Variants in PM20D2 observed in about 807,000 individuals in gnomAD.
PM20D2 encodes peptidase M20 domain containing 2, also known as xaa-Arg dipeptidase.
Under a neutral mutation model 42.9 loss-of-function variants are expected in PM20D2, and 33 were observed. The observed-to-expected ratio is 0.77, with a 90% CI of 0.58 to 1.03. PM20D2 has a LOEUF of 1.03. Ranked by LOEUF, PM20D2 falls within the 50% of genes least tolerant of loss-of-function variation. The probability of loss-of-function intolerance (pLI) is 0.00; values close to 1 mark genes in which losing one functional copy is unlikely to be tolerated. For synonymous variants in PM20D2, 250 were observed against 228.2 expected, an observed-to-expected ratio of 1.10 and a Z score of -0.86; for missense variants, 548 against 557.0, an observed-to-expected ratio of 0.98 and a Z score of 0.16.
chr6:89,094,082 G>A, the PM20D2 span, among the ~76,000 whole-genome samples: 1 of 151,572 alleles, frequency 6.6e-6, no homozygotes, highest in Non-Finnish European at 1.5e-5. Flanking sequence ...CACCATGCCT[G>A]GCTAATTTTT....
the PM20D2 span, among the ~76,000 whole-genome samples, chr6:89,140,615 A>G: frequency 6.6e-6 from 1 of 152,278 alleles, no homozygotes; most frequent in African/African-American, 2.4e-5. Context: ...GTAGGAGAGA[A>G]ATGTTCTTGT....
At chr6:89,101,703 A>C in the PM20D2 span, among the ~76,000 whole-genome samples, 1 of 152,096 alleles carries the variant, frequency 6.6e-6, no homozygotes, top group Middle Eastern at 3.2e-3. Context: ...GTCTCAAAAA[A>C]AAATAAAAAT....
At chr6:89,123,850 A>C in the PM20D2 span, among the ~76,000 whole-genome samples, 2 of 151,690 alleles carry the variant, frequency 1.3e-5, no homozygotes, top group African/African-American at 4.8e-5. Flanking sequence ...AGTCTGGGCA[A>C]CATATGATAA....
At chr6:89,107,038 GAAAT>G in the PM20D2 span, 1 of 1,089,978 alleles carries the variant, frequency 9.2e-7, no homozygotes, top group Non-Finnish European at 1.4e-6. Context: ...CTGAGATAAA[GAAAT>G]AAACACATTT....
chr6:89,147,842 G>A lies in PM20D2; in HGVS notation c.465+1233G>A, dbSNP rs1304479926. Among the ~76,000 whole-genome samples the A allele has an allele frequency of 2.0e-5, 3 of 150,484 alleles. 1 individual carries two copies. The highest frequency in any genetic ancestry group is 4.9e-5 in the African/African-American group (2 of 40,938). ...CAGGAGGCAGAGGTTGCAGTGAGCC[G>A]ACATCGCGCCACTGCACTCCATCCT... On this transcript the variant is annotated intron_variant, in intron 1 of 6. Coordinates refer to ENST00000275072, the MANE Select transcript of PM20D2 (RefSeq NM_001010853.3).
At chr6:89,148,449 A>T in intron 1 of PM20D2, 1 of 678,966 alleles carries the variant, frequency 1.5e-6, no homozygotes, top group South Asian at 6.6e-5. Flanking sequence ...TTTGATTTTT[A>T]AAATTGTTTG....
chr6:89,137,948 T>C, the PM20D2 span, among the ~76,000 whole-genome samples: 1 of 152,322 alleles, frequency 6.6e-6, no homozygotes, highest in South Asian at 2.1e-4. Context: ...TTATTCACAT[T>C]TTCAATATAA....
At chr6:89,143,589 A>G (rs1427752384), upstream of PM20D2, among the ~76,000 whole-genome samples, 1 of 152,232 alleles carries the variant, frequency 6.6e-6, no homozygotes, top group East Asian at 1.9e-4. Flanking sequence ...TTGTTTCCTC[A>G]GATCCAGCAC....
At chr6:89,124,759 G>A in the PM20D2 span, among the ~76,000 whole-genome samples, 1,712 of 25,588 alleles carry the variant, frequency 0.067, 32 homozygotes, top group Non-Finnish European at 0.098. Context: ...TTTTCAATTC[G>A]GGGTCTTGCT....
At chr6:89,115,190 C>T in the PM20D2 span, among the ~76,000 whole-genome samples, 2 of 151,946 alleles carry the variant, frequency 1.3e-5, no homozygotes, top group Non-Finnish European at 2.9e-5. Flanking sequence ...CTTGACCTCC[C>T]GGGCTCAAGT....
the PM20D2 span, among the ~76,000 whole-genome samples, chr6:89,139,793 T>C: frequency 6.6e-6 from 1 of 152,150 alleles, no homozygotes. Flanking sequence ...GATGAGTCAG[T>C]TGCCAGAGGG....
At chr6:89,126,451 C>T in the PM20D2 span, among the ~76,000 whole-genome samples, 15 of 151,500 alleles carry the variant, frequency 9.9e-5, no homozygotes, top group African/African-American at 3.6e-4. Flanking sequence ...TTTGGGAGAC[C>T]GAGGCGGGTG....
the PM20D2 span, among the ~76,000 whole-genome samples, chr6:89,114,376 C>T: frequency 6.6e-6 from 1 of 152,090 alleles, no homozygotes; most frequent in Non-Finnish European, 1.5e-5. Context: ...TGCAGTGAGC[C>T]GAGATCGTGC....
At chr6:89,124,499 C>A in the PM20D2 span, among the ~76,000 whole-genome samples, 1 of 152,094 alleles carries the variant, frequency 6.6e-6, no homozygotes, top group South Asian at 2.1e-4. Context: ...ATAATGGAAA[C>A]AGATTAGTTC....
Position 89,146,076 on chromosome 6 carries a change from C to G in PM20D2, c.-69C>G, listed in dbSNP as rs1017740363. The G allele has an allele frequency of 1.4e-5, 19 of 1,311,662 alleles. No individual in the cohort carries two copies. In the African/African-American group the frequency reaches 2.8e-4, roughly 19 times the overall value. 81.3% of individuals were successfully genotyped at this position (1,311,662 alleles called of 1,614,324 possible). ...GGTCCTGGAGGCCTCTGGGCGCGTG[C>G]GCGGGCGGTCGCTACCTGCGGCCGA... On this transcript the variant is annotated 5_prime_UTR_variant, in exon 1 of 7. Transcript: ENST00000275072.
chr6:89,107,110 G>T, the PM20D2 span: 8 of 1,487,550 alleles, frequency 5.4e-6, no homozygotes, highest in Non-Finnish European at 7.5e-6. Flanking sequence ...GTATAAGCAC[G>T]CATATACAGT....
Position 89,153,128 on chromosome 6 carries a change from G to A in PM20D2, c.700G>A (p.Ala234Thr), listed in dbSNP as rs1280616441. 3.1e-6 allele frequency: 5 copies of A among 1,612,294 alleles called. No homozygotes were observed. The highest frequency in any genetic ancestry group is 4.2e-6 in the Non-Finnish European group (5 of 1,179,258). ...AAATGCATTAGATGCTGCTGTGCTG[G>A]CCTATAACAATCTGTCTGTGTTCAG... ...GLNALDAAVL[A>T]YNNLSVFRQQ... The change falls in exon 3 of 7, where the codon GCC (alanine) becomes ACC (threonine). Residue 234 changes from alanine to threonine, a missense_variant. Transcript: ENST00000275072.
chr6:89,139,354 C>T, the PM20D2 span, among the ~76,000 whole-genome samples: 2 of 152,190 alleles, frequency 1.3e-5, no homozygotes, highest in East Asian at 1.9e-4. Flanking sequence ...TGATTACATT[C>T]CTGTGCCACC....
the PM20D2 span, among the ~76,000 whole-genome samples, chr6:89,139,306 C>T: frequency 6.6e-6 from 1 of 152,158 alleles, no homozygotes; most frequent in African/African-American, 2.4e-5. Flanking sequence ...AACTCCTGGC[C>T]TCAGGCAATC....
Sources: gnomAD v4.1 joint callset for allele counts (sites outside exome capture counted in the v4.1 genomes callset) on GRCh38, gnomAD v4.1.1 for gene constraint, MANE v1.5 for transcripts, NCBI Gene and HGNC (gene_info 2026-07-23, HGNC 2026-07-21) for gene names.